Variants in BCKDHA observed in about 807,000 individuals in gnomAD.
BCKDHA encodes the protein 2-oxoisovalerate dehydrogenase subunit alpha, mitochondrial.
In BCKDHA, 43 loss-of-function variants were observed where a neutral mutation model predicts 52.2. The observed-to-expected ratio is 0.82, with a 90% confidence interval of 0.64 to 1.06. BCKDHA has a LOEUF of 1.06. Ranked by LOEUF, BCKDHA falls within the 50% of genes least tolerant of loss-of-function variation. The pLI is 0.00. For synonymous variants in BCKDHA, 234 were observed against 247.9 expected (o/e 0.94, Z 0.53); for missense variants, 527 against 621.3 (o/e 0.85, Z 1.61).
At chr19:41,418,487 G>A (rs917965299) in intron 4 of BCKDHA, among the ~76,000 whole-genome samples, 2 of 152,054 alleles carry the variant, frequency 1.3e-5, no homozygotes, top group African/African-American at 4.8e-5. Context: ...CTGTAGTCCA[G>A]AAGTTGTAAA....
intron 1 of BCKDHA, among the ~76,000 whole-genome samples, chr19:41,408,621 C>CTT (rs142941551): frequency 6.8e-6 from 1 of 147,836 alleles, no homozygotes; most frequent in African/African-American, 2.5e-5. Flanking sequence ...CCCCTCTGAG[C>CTT]TTTTTTTTTT....
At position 41,418,989 on chromosome 19, in the gene BCKDHA, G is replaced by GAGTC. The variant is rs2039335522; in HGVS notation, c.485-137_485-134dup. On this transcript the variant is annotated intron_variant, in intron 4 of 8. Coordinates refer to ENST00000269980, the MANE Select transcript of BCKDHA (RefSeq NM_000709.4). The stretch of plus-strand genomic sequence containing the variant: ...AAAATCAGATTGGCCTTGCTGGGCA[G>GAGTC]AGTCAGTCAGTCTGAACATCAGTCT... 5 of 937,150 alleles carry GAGTC rather than the reference G, an allele frequency of 5.3e-6. No individual in the cohort carries two copies. The Admixed American group carries it at 9.9e-5, about 19-fold the overall frequency. The allele number at this position is 937,150 out of a possible 1,614,324, so 58.1% of individuals were successfully genotyped here.
In BCKDHA at chr19:41,411,094, G is replaced by A. The variant is rs762043084; in HGVS notation, c.375+85G>A. 5 of 1,440,532 alleles carry A rather than the reference G, an allele frequency of 3.5e-6. No individual in the cohort carries two copies. In the African/African-American group the frequency reaches 4.2e-5, roughly 12 times the overall value. 89.2% of individuals were successfully genotyped at this position (1,440,532 alleles called of 1,614,324 possible). A position where few individuals can be genotyped will look rare whatever the true frequency, so the allele number is the denominator to read the frequency against. ...TTTGGGCCAAAGGAATGGCTCCCAAGGAGGACAGATTCTTTTTTGGGGGGG... is the reference window on the plus strand; with the variant it reads ...TTTGGGCCAAAGGAATGGCTCCCAAAGAGGACAGATTCTTTTTTGGGGGGG... On this transcript the variant is annotated intron_variant, in intron 3 of 8. Transcript: ENST00000269980.
In BCKDHA at chr19:41,412,375, T is replaced by C. The variant is rs1029946074; in HGVS notation, c.375+1366T>C. Among the ~76,000 whole-genome samples, 6 of 125,824 alleles carry C rather than the reference T, an allele frequency of 4.8e-5. 1 individual carries two copies. The highest frequency in any genetic ancestry group is 8.1e-5 in the Non-Finnish European group (5 of 61,968). 82.5% of individuals were successfully genotyped at this position (125,824 alleles called of 152,430 possible). A position where few individuals can be genotyped will look rare whatever the true frequency, so the allele number is the denominator to read the frequency against. On this transcript the variant is annotated intron_variant, in intron 3 of 8. Transcript: ENST00000269980. Reference sequence around the variant, plus strand: ...CCCTCTCATTCCCTCTGTCTGTAGATATTTCTTTTTTTTTTTTTTTTTTAC... The same window carrying C: ...CCCTCTCATTCCCTCTGTCTGTAGACATTTCTTTTTTTTTTTTTTTTTTAC...
intron 1 of BCKDHA, among the ~76,000 whole-genome samples, chr19:41,406,405 T>C (rs1388801913): frequency 1.3e-5 from 2 of 152,056 alleles, no homozygotes; most frequent in Non-Finnish European, 2.9e-5. Flanking sequence ...AGTTTGGTTT[T>C]ATTGTTCTTT....
At chr19:41,410,612 T>C (rs764251967) in intron 1 of BCKDHA, 25 bp from the exon 2 acceptor site, 6 of 1,613,724 alleles carry the variant, frequency 3.7e-6, no homozygotes, top group Non-Finnish European at 4.2e-6. Context: ...CTGATGCAGG[T>C]GGTCTCCTCT....
chr19:41,422,024 G>T, intron 5 of BCKDHA, 140 bp from the exon 6 acceptor site: 1 of 812,478 alleles, frequency 1.2e-6, no homozygotes, highest in Admixed American at 2.0e-5. Flanking sequence ...GGGGCATCAG[G>T]AGCTGAGGTG....
chr19:41,402,539 C>T (rs1401140365), intron 1 of BCKDHA, among the ~76,000 whole-genome samples: 1 of 152,148 alleles, frequency 6.6e-6, no homozygotes, highest in Non-Finnish European at 1.5e-5. Flanking sequence ...GCTCTGGACT[C>T]CAAAACCCAG....
rs530972813 is a variant in BCKDHA at position 41,412,380 on chromosome 19, CTTT to C, written c.375+1387_375+1389del. 1.4e-3 allele frequency among the ~76,000 whole-genome samples: 89 copies of C among 65,864 alleles called. 4 individuals are homozygous for C. Among genetic ancestry groups the C allele is most frequent in the African/African-American group, 4.3e-3 (76 of 17,638 alleles). The allele number at this position is 65,864 out of a possible 152,430, so 43.2% of individuals were successfully genotyped here. On this transcript the variant is annotated intron_variant, in intron 3 of 8. Transcript: ENST00000269980. Reference sequence around the variant, plus strand: ...TCATTCCCTCTGTCTGTAGATATTTCTTTTTTTTTTTTTTTTTTACTTTTGAGA... The same window carrying C: ...TCATTCCCTCTGTCTGTAGATATTTCTTTTTTTTTTTTTTTACTTTTGAGA...
intron 1 of BCKDHA, among the ~76,000 whole-genome samples, chr19:41,408,379 G>A (rs2039216308): frequency 6.6e-6 from 1 of 152,064 alleles, no homozygotes; most frequent in Admixed American, 6.6e-5. Context: ...AATTCCCCGA[G>A]GAGTTAGTAG....
chr19:41,406,360 T>C (rs2039193062), intron 1 of BCKDHA, among the ~76,000 whole-genome samples: 1 of 152,110 alleles, frequency 6.6e-6, no homozygotes, highest in Non-Finnish European at 1.5e-5. Flanking sequence ...CCCCTGTGCC[T>C]CAGTCTCCCT....
chr19:41,423,986 A>C (rs1037420361), intron 8 of BCKDHA, among the ~76,000 whole-genome samples: 4 of 151,518 alleles, frequency 2.6e-5, no homozygotes, highest in Non-Finnish European at 4.4e-5. Flanking sequence ...GAGCAAGACT[A>C]TCTCTTAAAA....
intron 1 of BCKDHA, among the ~76,000 whole-genome samples, chr19:41,402,248 G>T (rs936213633): frequency 4.6e-5 from 7 of 152,138 alleles, no homozygotes; most frequent in Non-Finnish European, 7.4e-5. Flanking sequence ...AATTCAAGAT[G>T]AGATTTGAGT....
At chr19:41,412,380 C>CTTGTTTTTTTTTTTTTTTT (rs2039263476) in intron 3 of BCKDHA, among the ~76,000 whole-genome samples, 1 of 65,864 alleles carries the variant, frequency 1.5e-5, no homozygotes, top group Non-Finnish European at 3.1e-5. Flanking sequence ...GTAGATATTT[C>CTTGTTTTTTTTTTTTTTTT]TTTTTTTTTT....
rs1002472833 is a variant in BCKDHA at position 41,424,970 on chromosome 19, C to T, written c.*362C>T. On this transcript the variant is annotated 3_prime_UTR_variant, in exon 9 of 9. Coordinates refer to ENST00000269980, the MANE Select transcript of BCKDHA (RefSeq NM_000709.4). ...AGGTGCGAGTGGCCAGCAGAGGTCA[C>T]GAATAAACTGCATCTCTGCGCCTGG... is the stretch of plus-strand genomic sequence containing the variant. 2.7e-5 allele frequency: 6 copies of T among 218,582 alleles called. No individual in the cohort carries two copies. The highest frequency in any genetic ancestry group is 4.6e-5 in the Non-Finnish European group (5 of 109,532). 13.5% of individuals were successfully genotyped at this position (218,582 alleles called of 1,614,324 possible).
chr19:41,419,598 C>T (rs958307088), intron 5 of BCKDHA, among the ~76,000 whole-genome samples: 10 of 152,110 alleles, frequency 6.6e-5, no homozygotes, highest in African/African-American at 1.9e-4. Context: ...TGCACCACCA[C>T]GCCCAGCTAA....
intron 4 of BCKDHA, chr19:41,418,705 ATTTT>A: frequency 2.0e-5 from 8 of 406,478 alleles, no homozygotes; most frequent in South Asian, 6.9e-5. Flanking sequence ...TAATGTTTTG[ATTTT>A]TTTTTTTTTT....
intron 1 of BCKDHA, chr19:41,400,404 T>G (rs1188186047): frequency 6.6e-6 from 1 of 152,034 alleles, no homozygotes; most frequent in Non-Finnish European, 1.5e-5. Flanking sequence ...CATACCCAGT[T>G]AATTTTTGTA....
Position 41,400,934 on chromosome 19 carries a change from C to T in BCKDHA, c.108+2999C>T, listed in dbSNP as rs146547732. ...GGCTGAGGCAGAAGAATCGCTTGAA[C>T]CTGGGAGGCGGAGATTGCAGTGAGC... On this transcript the variant is annotated intron_variant, in intron 1 of 8. Coordinates refer to ENST00000269980, the MANE Select transcript of BCKDHA (RefSeq NM_000709.4). Among the ~76,000 whole-genome samples, 790 of 151,510 alleles carry T rather than the reference C, an allele frequency of 5.2e-3. 11 individuals are homozygous for T. Among genetic ancestry groups the T allele is most frequent in the African/African-American group, 0.018 (745 of 41,382 alleles).
Sources: gnomAD v4.1 joint callset for allele counts (sites outside exome capture counted in the v4.1 genomes callset) on GRCh38, gnomAD v4.1.1 for gene constraint, MANE v1.5 for transcripts, NCBI Gene and HGNC (gene_info 2026-07-23, HGNC 2026-07-21) for gene names.